Variants in THTPA observed in about 807,000 individuals in gnomAD.
THTPA encodes thiamine-triphosphatase.
THTPA carries 16 observed loss-of-function variants against 16.5 expected under a neutral mutation model. The observed-to-expected ratio is 0.97, with a 90% CI of 0.66 to 1.47. The LOEUF (loss-of-function observed/expected upper bound fraction) is 1.47. Among genes scored for constraint, THTPA ranks in the 40% most tolerant of loss-of-function variants. The pLI, the probability that THTPA is intolerant of heterozygous loss-of-function variation, is 0.00. For synonymous variants in THTPA, 110 were observed against 115.5 expected, an observed-to-expected ratio of 0.95 and a Z score of 0.30; for missense variants, 281 against 280.9, an observed-to-expected ratio of 1.00 and a Z score of 0.00.
the THTPA span, chr14:23,530,313 C>T: frequency 5.1e-6 from 4 of 777,284 alleles, no homozygotes; most frequent in South Asian, 1.5e-5. Flanking sequence ...ATGGCTCAAT[C>T]AGCAGGTAGG....
At chr14:23,532,323 C>G in the THTPA span, 1 of 448,984 alleles carries the variant, frequency 2.2e-6, no homozygotes, top group Non-Finnish European at 3.7e-6. Flanking sequence ...ACCCCTCCCT[C>G]CAGGGCCAAA....
chr14:23,549,942 A>G, the THTPA span, among the ~76,000 whole-genome samples: 9 of 152,344 alleles, frequency 5.9e-5, no homozygotes, highest in East Asian at 7.7e-4. Flanking sequence ...AAAGGTAGGA[A>G]GAGGGCAGAT....
chr14:23,534,028 T>C, the THTPA span: 1 of 1,536,182 alleles, frequency 6.5e-7, no homozygotes, highest in Non-Finnish European at 8.7e-7. The surrounding 1 kb of genome is among the most constrained non-coding windows in gnomAD (Gnocchi z 4.5). Flanking sequence ...GCTGAGGCCC[T>C]GGAAGGCTGC....
chr14:23,530,052 G>T, the THTPA span: 4 of 1,393,868 alleles, frequency 2.9e-6, no homozygotes, highest in Non-Finnish European at 3.9e-6. Flanking sequence ...TGGGCTCCTG[G>T]ATTACTGCAA....
chr14:23,520,292 G>T, the THTPA span, among the ~76,000 whole-genome samples: 1 of 152,016 alleles, frequency 6.6e-6, no homozygotes, highest in African/African-American at 2.4e-5. This position sits in a 1 kb window ranked among gnomAD's most constrained non-coding sequence, Gnocchi z 8.7. Flanking sequence ...GGAGAAGCTG[G>T]GCTGGGCTGG....
chr14:23,530,293 G>A, the THTPA span: 99 of 922,060 alleles, frequency 1.1e-4, no homozygotes, highest in East Asian at 2.5e-3. Context: ...GTCAATGAAG[G>A]AGAAAATGGA....
the THTPA span, chr14:23,522,788 G>A: frequency 6.5e-7 from 1 of 1,536,418 alleles, no homozygotes; most frequent in Non-Finnish European, 8.7e-7. Flanking sequence ...AGGAGGGCCT[G>A]GGACAGGGTC....
At chr14:23,521,691 A>G in the THTPA span, 1 of 451,432 alleles carries the variant, frequency 2.2e-6, no homozygotes, top group Non-Finnish European at 3.9e-6. Context: ...GGGTGCCAAG[A>G]TGGGTGTATG....
the THTPA span, chr14:23,528,940 T>A: frequency 3.3e-6 from 2 of 613,924 alleles, no homozygotes; most frequent in Non-Finnish European, 2.0e-6. Flanking sequence ...ATGCTCATCT[T>A]AACGCACCTA....
chr14:23,522,886 G>A, the THTPA span: 45 of 1,492,352 alleles, frequency 3.0e-5, no homozygotes, highest in South Asian at 5.1e-4. Flanking sequence ...GGACCACTGT[G>A]GTGGTAGGCA....
the THTPA span, among the ~76,000 whole-genome samples, chr14:23,520,654 C>T: frequency 2.4e-4 from 36 of 152,202 alleles, no homozygotes; most frequent in African/African-American, 5.8e-4. This position sits in a 1 kb window ranked among gnomAD's most constrained non-coding sequence, Gnocchi z 8.7. Flanking sequence ...CTCCCTGTAT[C>T]GCCAGCTCCC....
chr14:23,552,317 G>A (rs12431716), upstream of THTPA, among the ~76,000 whole-genome samples: 12,854 of 146,404 alleles, frequency 0.088, 828 homozygotes, highest in East Asian at 0.24. Context: ...TTCTGGAGAC[G>A]GAGTCTCACT....
chr14:23,528,957 G>A, the THTPA span: 1 of 493,090 alleles, frequency 2.0e-6, no homozygotes, highest in African/African-American at 2.1e-5. Context: ...CCTAGCCCCT[G>A]GAGCAGACAT....
chr14:23,554,445 C>G (rs976123157), upstream of THTPA, among the ~76,000 whole-genome samples: 5 of 152,070 alleles, frequency 3.3e-5, no homozygotes, highest in Non-Finnish European at 5.9e-5. Context: ...GTAGCAGGAT[C>G]GTAGCTCACT....
the THTPA span, chr14:23,522,631 C>T: frequency 4.6e-6 from 7 of 1,534,768 alleles, no homozygotes; most frequent in South Asian, 6.0e-5. Context: ...CAGCAGGGGG[C>T]AATGGAAAGG....
At chr14:23,532,726 G>T in the THTPA span, 1 of 1,535,652 alleles carries the variant, frequency 6.5e-7, no homozygotes, top group South Asian at 1.2e-5. Context: ...GGGAAGGGGT[G>T]CCCATGGCTC....
the THTPA span, chr14:23,533,584 G>A: frequency 6.5e-7 from 1 of 1,536,654 alleles, no homozygotes; most frequent in Non-Finnish European, 8.7e-7. This position sits in a 1 kb window ranked among gnomAD's most constrained non-coding sequence, Gnocchi z 4.8. Context: ...CAGGTTACGG[G>A]AGATGTTTGT....
At chr14:23,522,469 T>A in the THTPA span, 1 of 1,535,104 alleles carries the variant, frequency 6.5e-7, no homozygotes, top group Non-Finnish European at 8.7e-7. Flanking sequence ...GGGGCTGGGG[T>A]GGCGGCTGGA....
At chr14:23,532,523 A>G in the THTPA span, 1 of 1,423,878 alleles carries the variant, frequency 7.0e-7, no homozygotes, top group South Asian at 1.5e-5. Flanking sequence ...CTCTGTCCCC[A>G]TTCCCTTCTC....
Sources: gnomAD v4.1 joint callset for allele counts (sites outside exome capture counted in the v4.1 genomes callset) on GRCh38, gnomAD v4.1.1 for gene constraint, Gnocchi (gnomAD v3.1) non-coding constraint, MANE v1.5 for transcripts, NCBI Gene and HGNC (gene_info 2026-07-23, HGNC 2026-07-21) for gene names.